Variants in SH3RF3 observed in about 807,000 individuals in gnomAD.
The protein encoded by SH3RF3 is SH3 domain containing ring finger 3.
A neutral mutation model predicts 66.3 loss-of-function variants in SH3RF3; 29 were observed. The ratio of observed to expected loss-of-function variants is 0.44; its 90% CI spans 0.33 to 0.60. The LOEUF is 0.60. Among genes scored for constraint, SH3RF3 ranks in the 20% least tolerant of loss-of-function variants. The pLI is 0.04. For missense variants in SH3RF3, 1,194 were observed against 1,190.9 expected, an observed-to-expected ratio of 1.00 and a Z score of -0.04; for synonymous variants, 583 against 532.0, an observed-to-expected ratio of 1.10 and a Z score of -1.32.
intron 8 of SH3RF3, among the ~76,000 whole-genome samples, chr2:109,456,384 A>G (rs1399196053): frequency 6.6e-6 from 1 of 152,220 alleles, no homozygotes; most frequent in Non-Finnish European, 1.5e-5. Context: ...CGTGAATCCC[A>G]GCTGCCAAAA....
intron 9 of SH3RF3, among the ~76,000 whole-genome samples, chr2:109,500,207 T>G (rs1558648355): frequency 6.6e-6 from 1 of 152,040 alleles, no homozygotes; most frequent in Non-Finnish European, 1.5e-5. Flanking sequence ...GCTATGTTAG[T>G]GGTTGTTCAA....
At chr2:109,260,425 GT>G (rs1477472480) in intron 1 of SH3RF3, among the ~76,000 whole-genome samples, 2 of 152,224 alleles carry the variant, frequency 1.3e-5, no homozygotes, top group Non-Finnish European at 2.9e-5. Flanking sequence ...GCTTGGATGG[GT>G]TCAGGGCCAG....
At chr2:109,496,026 A>G (rs898839397) in intron 9 of SH3RF3, among the ~76,000 whole-genome samples, 1 of 152,220 alleles carries the variant, frequency 6.6e-6, no homozygotes, top group Non-Finnish European at 1.5e-5. Context: ...AGCAAAGGAC[A>G]AAGCTTCCAC....
Position 109,449,369 on chromosome 2 carries a change from A to G in SH3RF3, c.2028A>G (p.Thr676=), listed in dbSNP as rs770607303. 6.2e-7 allele frequency: 1 copy of G among 1,608,746 alleles called. No individual in the cohort carries two copies. Among genetic ancestry groups the G allele is most frequent in the Admixed American group, 1.7e-5 (1 of 59,544 alleles). ...TCACATCAGCAGCATCAGCCATCAC[A>G]CCTCCCAACGTCAGTGCCGCAAACC... ...IPLTSAASAI[T]PPNVSAANLN... Residue 676 remains threonine (T), a synonymous_variant, in exon 8 of 10, where the codon ACA becomes ACG. Transcript: ENST00000309415.
rs576902131 is a variant in SH3RF3, at chr2:109,467,170, A to C, written c.2148+17681A>C. Among the ~76,000 whole-genome samples, 9 of 152,382 alleles carry C rather than the reference A, an allele frequency of 5.9e-5. No individual in the cohort carries two copies. In the South Asian group the frequency reaches 1.9e-3, roughly 32 times the overall value. On this transcript the variant is annotated intron_variant, in intron 8 of 9. Coordinates refer to ENST00000309415, the MANE Select transcript of SH3RF3 (RefSeq NM_001099289.3). ...GAGAAGCAGACACACAGGCCTACACAAAGGCTCCTGCATGAGGGATCCGTA... is the reference window on the plus strand; with the variant it reads ...GAGAAGCAGACACACAGGCCTACACCAAGGCTCCTGCATGAGGGATCCGTA...
chr2:109,436,867 G>A (rs767691792), intron 6 of SH3RF3, 26 bp from the exon 7 acceptor site: 3 of 1,608,426 alleles, frequency 1.9e-6, no homozygotes, highest in Non-Finnish European at 2.5e-6. Context: ...CCTCTCATCA[G>A]AATTCCTTCT....
At chr2:109,443,414 G>A (rs1677626235) in intron 7 of SH3RF3, among the ~76,000 whole-genome samples, 1 of 152,098 alleles carries the variant, frequency 6.6e-6, no homozygotes, top group South Asian at 2.1e-4. Flanking sequence ...ACCTCAGCTG[G>A]GAATATGAGT....
intron 4 of SH3RF3, among the ~76,000 whole-genome samples, chr2:109,418,982 G>A (rs1039405955): frequency 5.3e-5 from 8 of 152,160 alleles, no homozygotes; most frequent in African/African-American, 1.2e-4. Flanking sequence ...GATGCTGACC[G>A]TTCCTCGGGT....
chr2:109,485,537 C>A (rs79919793), intron 8 of SH3RF3, among the ~76,000 whole-genome samples: 6,727 of 152,240 alleles, frequency 0.044, 152 homozygotes, highest in Non-Finnish European at 0.055. Flanking sequence ...TAGAGGAGCC[C>A]CCATCTTAAT....
At chr2:109,170,269 CTT>C (rs1349961712) in intron 1 of SH3RF3, among the ~76,000 whole-genome samples, 1 of 78,328 alleles carries the variant, frequency 1.3e-5, no homozygotes, top group African/African-American at 3.7e-5. Context: ...CTTCTCTTCT[CTT>C]CTCTTCTCTT....
At chr2:109,197,771 C>A (rs767946184) in intron 1 of SH3RF3, among the ~76,000 whole-genome samples, 11 of 152,194 alleles carry the variant, frequency 7.2e-5, no homozygotes, top group Non-Finnish European at 1.5e-4. Flanking sequence ...ACTGGCCCTG[C>A]CTGAGGAAGC....
At chr2:109,269,578 G>A (rs1177010694) in intron 1 of SH3RF3, among the ~76,000 whole-genome samples, 3 of 152,090 alleles carry the variant, frequency 2.0e-5, no homozygotes, top group Non-Finnish European at 2.9e-5. Context: ...CCCAAGAGTT[G>A]GAGACTAGCC....
chr2:109,449,873 G>T (rs1426909688), intron 8 of SH3RF3, among the ~76,000 whole-genome samples: 1 of 152,226 alleles, frequency 6.6e-6, no homozygotes, highest in Non-Finnish European at 1.5e-5. Context: ...AAATCTACGT[G>T]TGCAGTGTGA....
intron 1 of SH3RF3, among the ~76,000 whole-genome samples, chr2:109,132,382 C>A (rs1309668106): frequency 6.6e-6 from 1 of 152,182 alleles, no homozygotes; most frequent in African/African-American, 2.4e-5. Flanking sequence ...TGGCAGGACA[C>A]AAAACAGTGT....
chr2:109,493,624 C>G lies in SH3RF3; in HGVS notation c.2480+2688C>G, dbSNP rs954683397. Among the ~76,000 whole-genome samples the G allele has an allele frequency of 4.1e-3, 613 of 150,858 alleles. 3 individuals are homozygous for G. The highest frequency in any genetic ancestry group is 6.9e-3 in the Non-Finnish European group (465 of 67,606). On this transcript the variant is annotated intron_variant, in intron 9 of 9. Transcript: ENST00000309415. ...AACCACACACACTGCAAACNCACAC[C>G]CCACACATGCTGCAAACACACACCA...
At position 109,449,595 on chromosome 2, in the gene SH3RF3, G is replaced by T. The variant is rs758358039; in HGVS notation, c.2148+106G>T. Reference sequence around the variant, plus strand: ...TTTGTGCAATTGAAGCTAGAATGTGGGCTCCAAGTGCCTGCCCCTAGATGA... The same window carrying T: ...TTTGTGCAATTGAAGCTAGAATGTGTGCTCCAAGTGCCTGCCCCTAGATGA... On this transcript the variant is annotated intron_variant, in intron 8 of 9. Coordinates refer to ENST00000309415, the MANE Select transcript of SH3RF3 (RefSeq NM_001099289.3). 3 of 1,369,486 alleles carry T rather than the reference G, an allele frequency of 2.2e-6. No homozygotes were observed. The Admixed American group carries it at 7.4e-5, about 34-fold the overall frequency. The allele number at this position is 1,369,486 out of a possible 1,614,324, so 84.8% of individuals were successfully genotyped here. A position where few individuals can be genotyped will look rare whatever the true frequency, so the allele number is the denominator to read the frequency against.
intron 1 of SH3RF3, among the ~76,000 whole-genome samples, chr2:109,344,475 C>T (rs541718307): frequency 3.3e-5 from 5 of 152,298 alleles, no homozygotes; most frequent in South Asian, 2.1e-4. Flanking sequence ...CTGAGGCCAG[C>T]GTAGGGGACC....
chr2:109,439,286 C>T (rs1334073697), intron 7 of SH3RF3, among the ~76,000 whole-genome samples: 2 of 152,104 alleles, frequency 1.3e-5, no homozygotes, highest in Non-Finnish European at 2.9e-5. Flanking sequence ...TAAACGGCTC[C>T]CCAGTGCATC....
intron 1 of SH3RF3, among the ~76,000 whole-genome samples, chr2:109,261,030 C>G (rs1445924927): frequency 6.6e-6 from 1 of 152,164 alleles, no homozygotes; most frequent in East Asian, 1.9e-4. Context: ...GGCACTGTGT[C>G]TGCAGGAAGG....
Sources: allele counts gnomAD v4.1 joint callset (sites outside exome capture counted in the v4.1 genomes callset), GRCh38; gene constraint gnomAD v4.1.1; transcripts MANE v1.5; gene names NCBI Gene and HGNC (gene_info 2026-07-23, HGNC 2026-07-21).